Variants in PLXNB2 observed in about 807,000 individuals in gnomAD.
PLXNB2 encodes the protein plexin B2.
PLXNB2 carries 85 observed loss-of-function variants against 202.6 expected under a neutral mutation model. The ratio of observed to expected loss-of-function variants is 0.42; its 90% confidence interval spans 0.35 to 0.50. The LOEUF (loss-of-function observed/expected upper bound fraction) is 0.50, where lower values mean the gene tolerates loss of function less well. Among genes scored for constraint, PLXNB2 ranks in the 20% least tolerant of loss-of-function variants. The pLI, the probability that PLXNB2 is intolerant of heterozygous loss-of-function variation, is 0.02. For synonymous variants in PLXNB2, 1,239 were observed against 1,137.6 expected, an observed-to-expected ratio of 1.09 and a Z score of -1.79; for missense variants, 2,063 against 2,586.2, an observed-to-expected ratio of 0.80 and a Z score of 4.39.
rs767671854 is a variant in PLXNB2 at position 50,290,357 on chromosome 22, C to G, written c.228G>C (p.Lys76Asn). 6.2e-7 allele frequency: 1 copy of G among 1,612,790 alleles called. No homozygotes were observed. The highest frequency in any genetic ancestry group is 1.1e-5 in the South Asian group (1 of 91,084). The change falls in exon 3 of 37, where the codon AAG (lysine) becomes AAC (asparagine). Residue 76 changes from lysine to asparagine, a missense_variant. This residue lies in a region of PLXNB2 where 1,303 missense variants were observed against 1,476.8 expected (regional missense o/e 0.88). Transcript: ENST00000359337. ...TGGCCTCGATGGGCGGCGTGCACTTCTTGTTGTCCAGGGCCGGGCCCGTGG... is the reference window on the plus strand; with the variant it reads ...TGGCCTCGATGGGCGGCGTGCACTTGTTGTTGTCCAGGGCCGGGCCCGTGG... ...QVATGPALDN[K>N]KCTPPIEASQ... is the part of the protein sequence containing the mutation.
chr22:50,287,982 C>A lies in PLXNB2; in HGVS notation c.1436G>T (p.Arg479Leu). The A allele has an allele frequency of 6.3e-7, 1 of 1,582,934 alleles. No individual in the cohort carries two copies. Among genetic ancestry groups the A allele is most frequent in the African/African-American group, 1.3e-5 (1 of 74,210 alleles). ...GCCGCAGTAGGGGTCCTGGGAGTCG[C>A]GGCACTGGGTGCAGGTCGGGTAGCT... is the stretch of plus-strand genomic sequence containing the variant. ...CLSYPTCTQC[R>L]DSQDPYCGWC... The change falls in exon 6 of 37, where the codon CGC becomes CTC. Residue 479 changes from arginine to leucine, a missense_variant. Physicochemically the swap from Arg to Leu is moderately radical, Grantham distance 102 (BLOSUM62 -2). Around this residue, in one of 2 missense-constraint regions of PLXNB2, gnomAD observed 1,303 missense variants for 1,476.8 expected, o/e 0.88. Coordinates refer to ENST00000359337, the MANE Select transcript of PLXNB2 (RefSeq NM_012401.4).
chr22:50,287,804 A>G lies in PLXNB2; in HGVS notation c.1482-11T>C. 1 of 1,595,642 alleles carries G rather than the reference A, an allele frequency of 6.3e-7. No individual in the cohort carries two copies. The highest frequency in any genetic ancestry group is 8.5e-7 in the Non-Finnish European group (1 of 1,177,544). Reference sequence around the variant, plus strand: ...GCCTTCCGGGTGCATCTGCAGGCGCAGGGGGCGGCCTCAGCCCAGGGTGGA... The same window carrying G: ...GCCTTCCGGGTGCATCTGCAGGCGCGGGGGGCGGCCTCAGCCCAGGGTGGA... On this transcript the variant is annotated splice_polypyrimidine_tract_variant and intron_variant, in intron 6 of 36. Coordinates refer to ENST00000359337, the MANE Select transcript of PLXNB2 (RefSeq NM_012401.4).
chr22:50,280,512 C>T lies in PLXNB2; in HGVS notation c.4152G>A (p.Lys1384=), dbSNP rs73891209. ...ACCTGCGCAGCATCAGCTTGGGGTTCTTGGCCACCACGTACTGCTCCAGGA... is the reference window on the plus strand; with the variant it reads ...ACCTGCGCAGCATCAGCTTGGGGTTTTTGGCCACCACGTACTGCTCCAGGA... ...LELLEQYVVA[K]NPKLMLRRSE... The change falls in exon 25 of 37, where the codon AAG becomes AAA. Residue 1384 remains lysine, a synonymous_variant. Coordinates refer to ENST00000359337, the MANE Select transcript of PLXNB2 (RefSeq NM_012401.4). 11,461 of 1,609,854 alleles carry T rather than the reference C, an allele frequency of 7.1e-3. 724 individuals are homozygous for T. The African/African-American group carries it at 0.14, about 19-fold the overall frequency.
Position 50,289,591 on chromosome 22 carries a change from T to TACA in PLXNB2, c.993_994insTGT (p.Tyr331_Thr332insCys), listed in dbSNP as rs1274751176. On this transcript the variant is annotated inframe_insertion, in exon 3 of 37. Transcript: ENST00000359337. This position sits in a 1 kb window ranked among gnomAD's most constrained non-coding sequence, Gnocchi z 8.0. The stretch of plus-strand genomic sequence containing the variant: ...ATGTCACGGGCCTCCCGGGTGCCTG[T>TACA]GTAACAGGCGTTGCGGTTGGCCTCC... 2.5e-6 allele frequency: 4 copies of TACA among 1,611,162 alleles called. No homozygotes were observed. The highest frequency in any genetic ancestry group is 1.6e-4 in the Middle Eastern group (1 of 6,062).
chr22:50,282,937 C>A lies in PLXNB2; in HGVS notation c.2817-56G>T, dbSNP rs1159595479. On this transcript the variant is annotated intron_variant, in intron 17 of 36. Coordinates refer to ENST00000359337, the MANE Select transcript of PLXNB2 (RefSeq NM_012401.4). ...ACCCCTCCCCCGGGACCAGCCCCAG[C>A]CCGACCAGGCTGGCCCCGCCATCCC... is the stretch of plus-strand genomic sequence containing the variant. 45 of 1,562,934 alleles carry A rather than the reference C, an allele frequency of 2.9e-5. No individual in the cohort carries two copies. In the East Asian group the frequency reaches 3.0e-4, roughly 10 times the overall value.
rs1399319263 is a variant in PLXNB2 at position 50,275,700 on chromosome 22, T to C, written c.*4A>G. 1 of 1,577,862 alleles carries C rather than the reference T, an allele frequency of 6.3e-7. No individual in the cohort carries two copies. Among genetic ancestry groups the C allele is most frequent in the Non-Finnish European group, 8.7e-7 (1 of 1,155,232 alleles). ...TGTCCCAAGGCAGCACTGGAGATTG[T>C]AGGTCAGAGGTCAGTGACCTTGTTC... On this transcript the variant is annotated 3_prime_UTR_variant, in exon 37 of 37. Transcript: ENST00000359337.
rs1303308215 is a variant in PLXNB2, at chr22:50,278,667, G to A, written c.4576C>T (p.Leu1526=). Residue 1526 remains leucine (L), a synonymous_variant, in exon 29 of 37, where the codon CTG becomes TTG. Transcript: ENST00000359337. ...TGTGACGTCAGGTCCAGGTCCGACAGGATCTGCGCTGTGGAGCCCGGACGC... is the reference window on the plus strand; with the variant it reads ...TGTGACGTCAGGTCCAGGTCCGACAAGATCTGCGCTGTGGAGCCCGGACGC... ...EWRPGSTAQI[L]SDLDLTSQRE... 3 of 1,612,458 alleles carry A rather than the reference G, an allele frequency of 1.9e-6. No homozygotes were observed. The highest frequency in any genetic ancestry group is 2.2e-5 in the South Asian group (2 of 91,000).
chr22:50,289,244 C>T lies in PLXNB2; in HGVS notation c.1069-102G>A. The stretch of plus-strand genomic sequence containing the variant: ...GGACAGGCCCTTCCCTTCCCTCCGG[C>T]ACACGTCCTACACACGTCCCCGAGA... On this transcript the variant is annotated intron_variant, in intron 3 of 36. Coordinates refer to ENST00000359337, the MANE Select transcript of PLXNB2 (RefSeq NM_012401.4). This position sits in a 1 kb window ranked among gnomAD's most constrained non-coding sequence, Gnocchi z 8.0. The T allele has an allele frequency of 8.9e-7, 1 of 1,121,002 alleles. No individual in the cohort carries two copies. Among genetic ancestry groups the T allele is most frequent in the South Asian group, 1.6e-5 (1 of 62,070 alleles). 69.4% of individuals were successfully genotyped at this position (1,121,002 alleles called of 1,614,324 possible). A position where few individuals can be genotyped will look rare whatever the true frequency, so the allele number is the denominator to read the frequency against.
chr22:50,289,150 C>A lies in PLXNB2; in HGVS notation c.1069-8G>T. On this transcript the variant is annotated splice_polypyrimidine_tract_variant and splice_region_variant and intron_variant, in intron 3 of 36. Coordinates refer to ENST00000359337, the MANE Select transcript of PLXNB2 (RefSeq NM_012401.4). The surrounding 1 kb of genome is among the most constrained non-coding windows in gnomAD (Gnocchi z 8.0). ...GAAGCTCTTGCTGGAGCCCTGCGGACCACAGCGTGTCAATGGCAGGCAGAC... is the reference window on the plus strand; with the variant it reads ...GAAGCTCTTGCTGGAGCCCTGCGGAACACAGCGTGTCAATGGCAGGCAGAC... 6.4e-7 allele frequency: 1 copy of A among 1,556,664 alleles called. No homozygotes were observed. Among genetic ancestry groups the A allele is most frequent in the Non-Finnish European group, 8.7e-7 (1 of 1,152,112 alleles).
rs73891205 is a variant in PLXNB2 at position 50,275,821 on chromosome 22, C to A, written c.5413-13G>T. On this transcript the variant is annotated splice_polypyrimidine_tract_variant and intron_variant, in intron 36 of 36. Coordinates refer to ENST00000359337, the MANE Select transcript of PLXNB2 (RefSeq NM_012401.4). ...AGGCATTGATGATCTGAGGGAGGGTCGCATCAGAGCACACCGGGGGACCGC... is the reference window on the plus strand; with the variant it reads ...AGGCATTGATGATCTGAGGGAGGGTAGCATCAGAGCACACCGGGGGACCGC... 6.2e-7 allele frequency: 1 copy of A among 1,608,078 alleles called. No individual in the cohort carries two copies. The highest frequency in any genetic ancestry group is 8.5e-7 in the Non-Finnish European group (1 of 1,175,992).
intron 1 of PLXNB2, among the ~76,000 whole-genome samples, chr22:50,306,695 A>T (rs1346861619): frequency 7.0e-6 from 1 of 143,028 alleles, no homozygotes; most frequent in African/African-American, 2.8e-5. Flanking sequence ...CCTCACCCTC[A>T]CCCTCACCCT....
intron 35 of PLXNB2, among the ~76,000 whole-genome samples, chr22:50,276,424 A>ACGGCCGTGGATGGAGCAACAGGGAGG (rs1569154907): frequency 2.0e-5 from 3 of 151,890 alleles, no homozygotes; most frequent in South Asian, 2.1e-4. Flanking sequence ...CGCTGTGGGC[A>ACGGCCGTGGATGGAGCAACAGGGAGG]GGGCCTGGCT....
chr22:50,303,029 G>A (rs776153420), intron 1 of PLXNB2, among the ~76,000 whole-genome samples: 6 of 151,474 alleles, frequency 4.0e-5, no homozygotes, highest in Admixed American at 6.6e-5. Flanking sequence ...TTACCCTCAA[G>A]CCCCCCGCCA....
At position 50,283,422 on chromosome 22, in the gene PLXNB2, G is replaced by A. The variant is rs758252261; in HGVS notation, c.2594C>T (p.Ala865Val). Reference protein sequence around the residue: ...STRIVCVIEAAETPFTGGVEV... With the variant: ...STRIVCVIEAVETPFTGGVEV... ...GACACCCCCCGTGAAAGGCGTCTCC[G>A]CAGCCTCGATCACACACACGATCCT... Residue 865 changes from alanine to valine, a missense_variant, in exon 16 of 37, where the codon GCG becomes GTG. Physicochemically the swap from Ala to Val is moderately conservative, Grantham distance 64. Around this residue, in one of 2 missense-constraint regions of PLXNB2, gnomAD observed 1,303 missense variants for 1,476.8 expected, o/e 0.88. Coordinates refer to ENST00000359337, the MANE Select transcript of PLXNB2 (RefSeq NM_012401.4). The A allele has an allele frequency of 1.5e-5, 24 of 1,612,976 alleles. No individual in the cohort carries two copies. Among genetic ancestry groups the A allele is most frequent in the African/African-American group, 1.1e-4 (8 of 74,862 alleles).
Position 50,275,417 on chromosome 22 carries a change from A to C in PLXNB2, c.*287T>G. 1 of 535,738 alleles carries C rather than the reference A, an allele frequency of 1.9e-6. No individual in the cohort carries two copies. The allele number at this position is 535,738 out of a possible 1,614,324, so 33.2% of individuals were successfully genotyped here. ...CAGCTGCCCCCAGCGTGGCAGCGTA[A>C]GGCACATTTTCAAATCACTGGAGAC... On this transcript the variant is annotated 3_prime_UTR_variant, in exon 37 of 37. Coordinates refer to ENST00000359337, the MANE Select transcript of PLXNB2 (RefSeq NM_012401.4).
rs1401794346 is a variant in PLXNB2 at position 50,284,483 on chromosome 22, G to T, written c.2181+90C>A. The T allele has an allele frequency of 5.0e-6, 5 of 1,004,532 alleles. No homozygotes were observed. In the East Asian group the frequency reaches 1.3e-4, roughly 26 times the overall value. The allele number at this position is 1,004,532 out of a possible 1,614,324, so 62.2% of individuals were successfully genotyped here. ...CTCTGGTCCCTGGGGTCTCCCTGCTGCCCCTCCCCTCACAGTCCTGAAGGT... is the reference window on the plus strand; with the variant it reads ...CTCTGGTCCCTGGGGTCTCCCTGCTTCCCCTCCCCTCACAGTCCTGAAGGT... On this transcript the variant is annotated intron_variant, in intron 12 of 36. Coordinates refer to ENST00000359337, the MANE Select transcript of PLXNB2 (RefSeq NM_012401.4). The surrounding 1 kb of genome is among the most constrained non-coding windows in gnomAD (Gnocchi z 8.0).
chr22:50,278,389 T>C (rs1399625735), intron 30 of PLXNB2, 46 bp downstream of exon 30: 6 of 1,559,866 alleles, frequency 3.8e-6, no homozygotes, highest in Admixed American at 3.7e-5. Flanking sequence ...TGGTCCACGC[T>C]GACCACCAGG....
At chr22:50,301,823 C>T (rs1212161296) in intron 1 of PLXNB2, among the ~76,000 whole-genome samples, 3 of 152,262 alleles carry the variant, frequency 2.0e-5, no homozygotes, top group Non-Finnish European at 4.4e-5. Flanking sequence ...ACCCCAGCCC[C>T]GCCTCGCCCA....
At chr22:50,298,921 C>T (rs953973640) in intron 1 of PLXNB2, among the ~76,000 whole-genome samples, 1 of 152,278 alleles carries the variant, frequency 6.6e-6, no homozygotes, top group Non-Finnish European at 1.5e-5. Context: ...GCTGGAATTA[C>T]AGGCGTGAGC....
Sources: allele counts gnomAD v4.1 joint callset (sites outside exome capture counted in the v4.1 genomes callset), GRCh38; gene constraint gnomAD v4.1.1; regional missense constraint gnomAD v4.1.1; non-coding constraint Gnocchi (gnomAD v3.1); transcripts MANE v1.5; gene names NCBI Gene and HGNC (gene_info 2026-07-23, HGNC 2026-07-21).